SARAF: variants seen among roughly 807,000 people sequenced by gnomAD.
SARAF encodes the protein store-operated calcium entry associated regulatory factor, also known as store-operated calcium entry-associated regulatory factor.
A neutral mutation model predicts 39.7 loss-of-function variants in SARAF; 23 were observed. The observed-to-expected ratio is 0.58, with a 90% CI of 0.42 to 0.82. The LOEUF (loss-of-function observed/expected upper bound fraction) is 0.82, where lower values mean the gene tolerates loss of function less well. SARAF is among the 40% of genes least tolerant of loss of function. The pLI, the probability that SARAF is intolerant of heterozygous loss-of-function variation, is 0.00. For synonymous variants in SARAF, 175 were observed against 168.5 expected, an observed-to-expected ratio of 1.04 and a Z score of -0.30; for missense variants, 384 against 418.5, an observed-to-expected ratio of 0.92 and a Z score of 0.72.
intron 3 of SARAF, among the ~76,000 whole-genome samples, chr8:30,069,134 ATT>A (rs36096551): frequency 2.0e-5 from 2 of 97,828 alleles, no homozygotes; most frequent in Admixed American, 1.4e-4. Flanking sequence ...TTAATCAGGC[ATT>A]TTTTTTTTTT....
chr8:30,082,267 G>A (rs1336923953), intron 1 of SARAF: 2 of 152,304 alleles, frequency 1.3e-5, no homozygotes, highest in Non-Finnish European at 2.9e-5. Context: ...GAACCCAGGA[G>A]GCGGAGGTTG....
intron 5 of SARAF, among the ~76,000 whole-genome samples, chr8:30,064,464 A>G (rs964822676): frequency 6.7e-6 from 1 of 148,638 alleles, no homozygotes; most frequent in African/African-American, 2.5e-5. Flanking sequence ...TCTAGTTCAT[A>G]GTCATGATTT....
intron 3 of SARAF, among the ~76,000 whole-genome samples, chr8:30,069,009 G>A (rs539518049): frequency 2.0e-5 from 3 of 151,782 alleles, no homozygotes; most frequent in Non-Finnish European, 4.4e-5. Context: ...TACCTTTTAC[G>A]TTGAGATTTA....
chr8:30,063,212 T>C lies in SARAF; in HGVS notation c.*676A>G, dbSNP rs888717773. The stretch of plus-strand genomic sequence containing the variant: ...TATTAAAAGACTTTTGTTGAAAAAT[T>C]TGACCTTTACCTCTTATGAACGAAA... On this transcript the variant is annotated 3_prime_UTR_variant, in exon 6 of 6. Transcript: ENST00000256255. The C allele has an allele frequency of 1.3e-5, 2 of 152,220 alleles. No individual in the cohort carries two copies. Among genetic ancestry groups the C allele is most frequent in the African/African-American group, 4.8e-5 (2 of 41,450 alleles). The allele number at this position is 152,220 out of a possible 1,614,324, so 9.4% of individuals were successfully genotyped here.
intron 5 of SARAF, among the ~76,000 whole-genome samples, chr8:30,064,549 A>ATTTTTTTTTTTTTTTTT (rs1285474401): frequency 4.6e-5 from 2 of 43,826 alleles, no homozygotes; most frequent in Non-Finnish European, 7.7e-5. Flanking sequence ...ATATATATAT[A>ATTTTTTTTTTTTTTTTT]TATATATATA....
chr8:30,077,735 G>A (rs1241681814), intron 1 of SARAF, among the ~76,000 whole-genome samples: 1 of 151,990 alleles, frequency 6.6e-6, no homozygotes, highest in East Asian at 1.9e-4. Flanking sequence ...CCAGGAAGCA[G>A]AGGTTGCAGT....
chr8:30,066,595 A>G (rs1333537178), intron 4 of SARAF, among the ~76,000 whole-genome samples, 182 bp downstream of exon 4: 1 of 152,224 alleles, frequency 6.6e-6, no homozygotes, highest in Non-Finnish European at 1.5e-5. Context: ...AGTGAAAGAA[A>G]ATAACATACA....
Position 30,069,817 on chromosome 8 carries a change from T to A in SARAF, c.525A>T (p.Gly175=), listed in dbSNP as rs1298289219. 6.2e-7 allele frequency: 1 copy of A among 1,614,108 alleles called. No individual in the cohort carries two copies. The change falls in exon 3 of 6, where the codon GGA becomes GGT. Residue 175 remains glycine (G), a synonymous_variant. Transcript: ENST00000256255. ...WSSADSCNMS[G]LITIVVLLGI... is the part of the protein sequence containing the mutation. The stretch of plus-strand genomic sequence containing the variant: ...CAAGGAGTACCACAATGGTAATCAA[T>A]CCACTCATGTTACAGGAATCCGCCG...
chr8:30,067,956 A>T (rs1333638613), intron 3 of SARAF, among the ~76,000 whole-genome samples: 1 of 151,890 alleles, frequency 6.6e-6, no homozygotes, highest in Non-Finnish European at 1.5e-5. Flanking sequence ...AGTTCCAGTC[A>T]CTCTACATTC....
At position 30,066,004 on chromosome 8, in the gene SARAF, T is replaced by C; in HGVS notation, c.978A>G (p.Lys326=). The change falls in exon 5 of 6, where the codon AAA becomes AAG. Residue 326 remains lysine, a synonymous_variant. Coordinates refer to ENST00000256255, the MANE Select transcript of SARAF (RefSeq NM_016127.6). ...TGCTCTTACCTGATGCAGTTCTGGT[T>C]TTCGTGTCTGAGTTTGAACATACCG... The part of the protein sequence containing the change: ...SYSVCSNSDT[K]TRTASGYGGT... 2 of 1,614,184 alleles carry C rather than the reference T, an allele frequency of 1.2e-6. No individual in the cohort carries two copies. Among genetic ancestry groups the C allele is most frequent in the Non-Finnish European group, 1.7e-6 (2 of 1,180,032 alleles).
intron 2 of SARAF, among the ~76,000 whole-genome samples, chr8:30,070,630 C>T (rs1022251866): frequency 9.9e-5 from 15 of 152,092 alleles, no homozygotes; most frequent in Non-Finnish European, 2.2e-4. Context: ...TGTTATATAT[C>T]CATCTGAACA....
Position 30,073,932 on chromosome 8 carries a change from T to C in SARAF, c.227A>G (p.Tyr76Cys). ...CTGACACTGTATGACTTTTGGGGTATAAGAATCACAACCAGCTGTGCCTCC... is the reference window on the plus strand; with the variant it reads ...CTGACACTGTATGACTTTTGGGGTACAAGAATCACAACCAGCTGTGCCTCC... ...CVGGTAGCDS[Y>C]TPKVIQCQNK... Residue 76 changes from tyrosine to cysteine, a missense_variant, in exon 2 of 6, where the codon TAT becomes TGT. Transcript: ENST00000256255. 1.2e-6 allele frequency: 2 copies of C among 1,614,198 alleles called. No individual in the cohort carries two copies. The highest frequency in any genetic ancestry group is 1.7e-6 in the Non-Finnish European group (2 of 1,180,038).
chr8:30,083,083 AG>A, upstream of SARAF: 1 of 625,566 alleles, frequency 1.6e-6, no homozygotes, highest in Non-Finnish European at 2.7e-6. Flanking sequence ...GCAGAGCTGC[AG>A]CCGCAACGGA....
In SARAF at chr8:30,063,819, T is replaced by C. The variant is rs1411044706; in HGVS notation, c.*69A>G. 2.9e-6 allele frequency: 4 copies of C among 1,382,574 alleles called. No individual in the cohort carries two copies. The highest frequency in any genetic ancestry group is 1.8e-4 in the Middle Eastern group (1 of 5,598). The allele number at this position is 1,382,574 out of a possible 1,614,324, so 85.6% of individuals were successfully genotyped here. A position where few individuals can be genotyped will look rare whatever the true frequency, so the allele number is the denominator to read the frequency against. On this transcript the variant is annotated 3_prime_UTR_variant, in exon 6 of 6. Transcript: ENST00000256255. ...TCCCAATTGTTAACAGGTAGTACTT[T>C]TTTTCTAAAGAGAAAGTGATGAAAA...
At chr8:30,064,549 A>ATTTTTTTTTTTTTTTTTTTTTTTTTTT (rs1285474401) in intron 5 of SARAF, among the ~76,000 whole-genome samples, 2 of 43,826 alleles carry the variant, frequency 4.6e-5, no homozygotes, top group Admixed American at 3.5e-4. Context: ...ATATATATAT[A>ATTTTTTTTTTTTTTTTTTTTTTTTTTT]TATATATATA....
chr8:30,078,391 A>T (rs1563357360), intron 1 of SARAF: 1 of 281,624 alleles, frequency 3.6e-6, no homozygotes, highest in Admixed American at 5.1e-5. Flanking sequence ...CAGACCACAC[A>T]AAGGCACACG....
At position 30,065,901 on chromosome 8, in the gene SARAF, G is replaced by A. The variant is rs970875197; in HGVS notation, c.994+87C>T. ...AGGTACACCAAATAAAACCATGGTTGCTAAACAGATAATCATCTTCTAAAG... is the reference window on the plus strand; with the variant it reads ...AGGTACACCAAATAAAACCATGGTTACTAAACAGATAATCATCTTCTAAAG... On this transcript the variant is annotated intron_variant, in intron 5 of 5. Transcript: ENST00000256255. 7 of 1,486,106 alleles carry A rather than the reference G, an allele frequency of 4.7e-6. No homozygotes were observed. The East Asian group carries it at 9.1e-5, about 19-fold the overall frequency. The allele number at this position is 1,486,106 out of a possible 1,614,324, so 92.1% of individuals were successfully genotyped here.
Position 30,066,809 on chromosome 8 carries a change from A to G in SARAF, c.810T>C (p.Gly270=). The part of the protein sequence containing the change: ...GPGFWTGLGT[G]GILGYLFGSN... ...TGCCAAACAAATATCCTAGTATTCC[A>G]CCAGTTCCCAAGCCTGTCCAGAACC... The change falls in exon 4 of 6, where the codon GGT becomes GGC. Residue 270 remains glycine (G), a synonymous_variant. Transcript: ENST00000256255. 6.2e-7 allele frequency: 1 copy of G among 1,614,178 alleles called. No homozygotes were observed.
chr8:30,067,898 C>T (rs1563351806), intron 3 of SARAF, among the ~76,000 whole-genome samples: 1 of 152,144 alleles, frequency 6.6e-6, no homozygotes, highest in African/African-American at 2.4e-5. Context: ...ATTGGGTATG[C>T]ATGTTTGGGT....
Sources: gnomAD v4.1 joint callset for allele counts (sites outside exome capture counted in the v4.1 genomes callset) on GRCh38, gnomAD v4.1.1 for gene constraint, MANE v1.5 for transcripts, NCBI Gene and HGNC (gene_info 2026-07-23, HGNC 2026-07-21) for gene names.